DMD: variants seen among roughly 807,000 people sequenced by gnomAD.
DMD encodes dystrophin.
In DMD, 63 loss-of-function variants were observed where a neutral mutation model predicts 330.1. The ratio of observed to expected loss-of-function variants is 0.19; its 90% CI spans 0.16 to 0.24. The LOEUF (loss-of-function observed/expected upper bound fraction) is 0.24, where lower values mean the gene tolerates loss of function less well. Ranked by LOEUF, DMD falls within the 10% of genes least tolerant of loss-of-function variation. DMD has a pLI of 1.00. For synonymous variants in DMD, 1,223 were observed against 959.8 expected, an observed-to-expected ratio of 1.27 and a Z score of -5.07; for missense variants, 3,344 against 2,684.1, an observed-to-expected ratio of 1.25 and a Z score of -5.43.
At position 32,636,521 on chromosome X, in the gene DMD, T is replaced by C. The variant is rs150312245; in HGVS notation, c.1331+7611A>G. Among the ~76,000 whole-genome samples the C allele has an allele frequency of 7.2e-4, 81 of 112,406 alleles. No individual in the cohort carries two copies. The East Asian group carries it at 0.018, about 25-fold the overall frequency. On this transcript the variant is annotated intron_variant, in intron 11 of 78. Transcript: ENST00000357033. ...CTATGAGAAAATCGAAAATGTGTCA[T>C]TGTTTTCAAATCCTGATCCATTTTT... is the stretch of plus-strand genomic sequence containing the variant.
intron 17 of DMD, among the ~76,000 whole-genome samples, chrX:32,543,460 G>A (rs902803681): frequency 9.0e-6 from 1 of 111,429 alleles, no homozygotes; most frequent in Non-Finnish European, 1.9e-5. Context: ...GACATTAAAA[G>A]TGTTAGGCAA....
intron 1 of DMD, among the ~76,000 whole-genome samples, chrX:33,146,342 T>C (rs1315163146): frequency 8.9e-6 from 1 of 111,967 alleles, no homozygotes; most frequent in Non-Finnish European, 1.9e-5. Flanking sequence ...GAAAACTTTA[T>C]GTAAATCTCA....
chrX:31,860,826 A>G (rs2093686295), intron 48 of DMD, among the ~76,000 whole-genome samples: 1 of 112,408 alleles, frequency 8.9e-6, no homozygotes, highest in African/African-American at 3.2e-5. Flanking sequence ...ATTGTTAGAT[A>G]AATAAGAAAA....
intron 60 of DMD, among the ~76,000 whole-genome samples, chrX:31,428,981 G>C (rs777351563): frequency 9.0e-6 from 1 of 110,587 alleles, no homozygotes; most frequent in Admixed American, 9.6e-5. Context: ...AACTAGCTGG[G>C]CGTGGTGGTG....
intron 7 of DMD, among the ~76,000 whole-genome samples, chrX:32,742,589 A>C (rs2069432972): frequency 8.9e-6 from 1 of 111,882 alleles, no homozygotes. Flanking sequence ...GCTAAAGCTC[A>C]TCTGGACAAT....
intron 6 of DMD, among the ~76,000 whole-genome samples, chrX:32,812,620 G>A (rs906544377): frequency 1.8e-5 from 2 of 112,267 alleles, no homozygotes; most frequent in African/African-American, 3.2e-5. Flanking sequence ...GCAACAGAGC[G>A]AGACTCCGTC....
intron 64 of DMD, among the ~76,000 whole-genome samples, chrX:31,217,069 C>T (rs2045485565): frequency 8.9e-6 from 1 of 111,861 alleles, no homozygotes; most frequent in East Asian, 2.8e-4. Context: ...TATTTCTGCT[C>T]TTACAAGTTG....
At chrX:31,132,311 A>G (rs979963566) in intron 77 of DMD, among the ~76,000 whole-genome samples, 2 of 112,482 alleles carry the variant, frequency 1.8e-5, no homozygotes, top group African/African-American at 6.5e-5. Context: ...CCCATGTGGT[A>G]TCTAGCTTTA....
chrX:32,958,991 T>C (rs371869818), intron 2 of DMD, among the ~76,000 whole-genome samples: 46 of 108,312 alleles, frequency 4.2e-4, no homozygotes, highest in African/African-American at 1.5e-3. Context: ...TTATTTTTAA[T>C]ATGTCTAAAG....
intron 37 of DMD, among the ~76,000 whole-genome samples, chrX:32,362,416 G>A (rs1318144636): frequency 8.9e-6 from 1 of 111,912 alleles, no homozygotes; most frequent in Non-Finnish European, 1.9e-5. Context: ...GCTTTATGTT[G>A]ATGGATGACT....
At position 32,565,815 on chromosome X, in the gene DMD, G is replaced by C; in HGVS notation, c.1879C>G (p.Leu627Val). 8.3e-7 allele frequency: 1 copy of C among 1,210,975 alleles called. No individual in the cohort carries two copies. The highest frequency in any genetic ancestry group is 1.1e-6 in the Non-Finnish European group (1 of 894,999). Residue 627 changes from leucine (L) to valine (V), a missense_variant, in exon 16 of 79, where the codon CTT becomes GTT. By Grantham distance (32) the Leu-to-Val change is conservative (BLOSUM62 1). Transcript: ENST00000357033. The part of the protein sequence containing the change: ...MGKLYSLKQD[L>V]LSTLKNKSVT... ...GACTTATTCTTCAGTGTTGAAAGAA[G>C]ATCTTGTTTGAGTGAATACAGTTTG...
intron 43 of DMD, among the ~76,000 whole-genome samples, chrX:32,248,607 A>AC (rs2097251616): frequency 9.1e-6 from 1 of 109,833 alleles, no homozygotes; most frequent in African/African-American, 3.3e-5. Flanking sequence ...AAAAAAAAAA[A>AC]CAAAGAAACA....
chrX:33,315,284 C>G (rs1401443813), intron 1 of DMD, among the ~76,000 whole-genome samples: 1 of 112,189 alleles, frequency 8.9e-6, no homozygotes, highest in African/African-American at 3.2e-5. Context: ...TGTTCAAACT[C>G]TGTACATTCC....
At chrX:31,870,328 C>T (rs1799060183) in intron 48 of DMD, among the ~76,000 whole-genome samples, 1 of 111,749 alleles carries the variant, frequency 8.9e-6, no homozygotes, top group Admixed American at 9.5e-5. Flanking sequence ...TAAACTTTCT[C>T]AAGGACTTGG....
At chrX:31,384,930 C>T (rs760455714) in intron 60 of DMD, among the ~76,000 whole-genome samples, 7 of 112,274 alleles carry the variant, frequency 6.2e-5, no homozygotes, top group East Asian at 2.8e-4. Flanking sequence ...TAAATGGAAA[C>T]GTGGAGGACT....
Position 33,163,353 on chromosome X carries a change from A to G in DMD, c.31+47929T>C, listed in dbSNP as rs182071444. Reference sequence around the variant, plus strand: ...GGAGTTCGAGACCAGCCTGGCCAACATGGTGAAACTCCTTCACTACTAAAA... The same window carrying G: ...GGAGTTCGAGACCAGCCTGGCCAACGTGGTGAAACTCCTTCACTACTAAAA... On this transcript the variant is annotated intron_variant, in intron 1 of 78. Transcript: ENST00000357033. Among the ~76,000 whole-genome samples the G allele has an allele frequency of 4.6e-5, 5 of 108,833 alleles. No individual in the cohort carries two copies. In the East Asian group the frequency reaches 1.5e-3, roughly 32 times the overall value. 94.5% of individuals were successfully genotyped at this position (108,833 alleles called of 115,157 possible).
At chrX:31,242,262 CAAAAAAAAAAAAA>C (rs72176984) in intron 63 of DMD, among the ~76,000 whole-genome samples, 5 of 24,643 alleles carry the variant, frequency 2.0e-4, no homozygotes, top group African/African-American at 3.7e-4. Flanking sequence ...TCTCAAAAAG[CAAAAAAAAAAAAA>C]AAAAAAAAAA....
chrX:31,383,907 T>C (rs1416801679), intron 60 of DMD, among the ~76,000 whole-genome samples: 1 of 111,473 alleles, frequency 9.0e-6, no homozygotes, highest in Non-Finnish European at 1.9e-5. Flanking sequence ...GCATTTACCA[T>C]CTCCAATTAG....
intron 2 of DMD, among the ~76,000 whole-genome samples, chrX:32,937,804 C>G (rs149388389): frequency 0.014 from 1,510 of 110,195 alleles, 25 homozygotes; most frequent in African/African-American, 0.047. Context: ...AAGTTAAGAG[C>G]AAGCACTGAG....
Sources: allele counts gnomAD v4.1 joint callset (sites outside exome capture counted in the v4.1 genomes callset), GRCh38; gene constraint gnomAD v4.1.1; transcripts MANE v1.5; gene names NCBI Gene and HGNC (gene_info 2026-07-23, HGNC 2026-07-21).